Variants in PID1 observed in about 807,000 individuals in gnomAD.
PID1 encodes the protein PTB-containing, cubilin and LRP1-interacting protein.
A neutral mutation model predicts 19.1 loss-of-function variants in PID1; 10 were observed. That is an observed-to-expected ratio of 0.52 (90% CI 0.32 to 0.89). The LOEUF (loss-of-function observed/expected upper bound fraction) is 0.89, where lower values mean the gene tolerates loss of function less well. PID1 is among the 40% of genes least tolerant of loss of function. The pLI, the probability that PID1 is intolerant of heterozygous loss-of-function variation, is 0.03. For missense variants in PID1, 248 were observed against 285.3 expected (o/e 0.87, Z 0.94); for synonymous variants, 130 against 116.0 (o/e 1.12, Z -0.78).
At chr2:229,108,047 T>C (rs145057976) in intron 2 of PID1, among the ~76,000 whole-genome samples, 2 of 152,266 alleles carry the variant, frequency 1.3e-5, no homozygotes, top group Non-Finnish European at 2.9e-5. Flanking sequence ...TCAGCTCTCT[T>C]GACCTTGACA....
intron 2 of PID1, among the ~76,000 whole-genome samples, chr2:229,041,848 A>G (rs72974813): frequency 0.053 from 8,123 of 152,274 alleles, 303 homozygotes; most frequent in Non-Finnish European, 0.08. Context: ...TCCAAAGTAT[A>G]AAGGTCAGAA....
chr2:229,220,000 C>A (rs917267423), intron 1 of PID1, among the ~76,000 whole-genome samples: 2 of 151,798 alleles, frequency 1.3e-5, no homozygotes, highest in Admixed American at 6.6e-5. Context: ...TCCATGACAC[C>A]ATTTGTCCTT....
intron 2 of PID1, among the ~76,000 whole-genome samples, chr2:229,123,905 T>C (rs1413505364): frequency 5.3e-5 from 8 of 152,228 alleles, no homozygotes; most frequent in Admixed American, 4.6e-4. Context: ...ATATTCTGGA[T>C]ACAAGTTCCT....
intron 2 of PID1, among the ~76,000 whole-genome samples, chr2:229,051,172 C>G (rs552593628): frequency 6.6e-6 from 1 of 152,172 alleles, no homozygotes; most frequent in East Asian, 1.9e-4. Context: ...CATTTTCCTA[C>G]TGCATGGAGG....
chr2:229,046,105 C>G (rs993647521), intron 2 of PID1, among the ~76,000 whole-genome samples: 1 of 152,060 alleles, frequency 6.6e-6, no homozygotes, highest in Non-Finnish European at 1.5e-5. Flanking sequence ...ATTCCATCAA[C>G]GAACCCCCCG....
At chr2:229,054,711 T>G (rs1694059927) in intron 2 of PID1, among the ~76,000 whole-genome samples, 1 of 19,174 alleles carries the variant, frequency 5.2e-5, no homozygotes, top group African/African-American at 1.8e-4. Flanking sequence ...GCAGTGTGTG[T>G]GTGTGTGTGG....
At chr2:229,166,923 A>G (rs1690608623) in intron 1 of PID1, among the ~76,000 whole-genome samples, 1 of 151,776 alleles carries the variant, frequency 6.6e-6, no homozygotes, top group Non-Finnish European at 1.5e-5. Context: ...ATAACCCTAG[A>G]CTAAAAAAAA....
chr2:229,237,043 G>A (rs1239309370), intron 1 of PID1, among the ~76,000 whole-genome samples: 1 of 150,734 alleles, frequency 6.6e-6, no homozygotes, highest in Non-Finnish European at 1.5e-5. Flanking sequence ...TAATATAGAT[G>A]AGGATCTAAG....
At chr2:229,052,722 A>T (rs1344505027) in intron 2 of PID1, among the ~76,000 whole-genome samples, 1 of 152,154 alleles carries the variant, frequency 6.6e-6, no homozygotes, top group Non-Finnish European at 1.5e-5. Flanking sequence ...AGGAAAAAAA[A>T]AATGGCCTGA....
intron 2 of PID1, among the ~76,000 whole-genome samples, chr2:229,145,831 G>T (rs1053522976): frequency 2.0e-5 from 3 of 151,884 alleles, no homozygotes; most frequent in Admixed American, 1.3e-4. Flanking sequence ...AAAACCACAG[G>T]TTTTGTGTAA....
intron 2 of PID1, among the ~76,000 whole-genome samples, chr2:229,039,947 T>C (rs1693735252): frequency 6.6e-6 from 1 of 152,146 alleles, no homozygotes; most frequent in African/African-American, 2.4e-5. Flanking sequence ...GTTTATCCAA[T>C]GTTGCATTAT....
chr2:229,233,085 C>T (rs1379321443), intron 1 of PID1, among the ~76,000 whole-genome samples: 1 of 151,880 alleles, frequency 6.6e-6, no homozygotes, highest in Non-Finnish European at 1.5e-5. Flanking sequence ...TAGCAGAAAG[C>T]GCAAGAGGAG....
At chr2:229,097,146 C>T (rs1694987373) in intron 2 of PID1, among the ~76,000 whole-genome samples, 1 of 152,200 alleles carries the variant, frequency 6.6e-6, no homozygotes, top group Non-Finnish European at 1.5e-5. Flanking sequence ...TGAAGTTCTA[C>T]TGACCTCATG....
At chr2:229,176,512 T>C (rs1690827414) in intron 1 of PID1, among the ~76,000 whole-genome samples, 1 of 152,276 alleles carries the variant, frequency 6.6e-6, no homozygotes, top group Non-Finnish European at 1.5e-5. Flanking sequence ...ATGCTGATGA[T>C]ACTTAAAAAT....
At chr2:229,098,749 C>A (rs534972767) in intron 2 of PID1, among the ~76,000 whole-genome samples, 3 of 152,290 alleles carry the variant, frequency 2.0e-5, no homozygotes, top group Admixed American at 2.0e-4. Context: ...TCCATTCTTT[C>A]TGAGACAGCA....
intron 2 of PID1, among the ~76,000 whole-genome samples, chr2:229,075,746 T>A (rs1200631343): frequency 6.6e-6 from 1 of 152,226 alleles, no homozygotes; most frequent in Non-Finnish European, 1.5e-5. Flanking sequence ...TCCCCAACTC[T>A]CACTAAAGAT....
intron 2 of PID1, among the ~76,000 whole-genome samples, chr2:229,047,903 G>A (rs1429517884): frequency 5.3e-5 from 8 of 152,172 alleles, no homozygotes; most frequent in Non-Finnish European, 1.5e-5. Context: ...CTACATCTTG[G>A]TGTAAGATCT....
At chr2:229,231,998 G>A (rs1427297637) in intron 1 of PID1, 2 of 1,550,462 alleles carry the variant, frequency 1.3e-6, no homozygotes, top group Admixed American at 2.0e-5. Flanking sequence ...TGCAGCACTT[G>A]GAAGGAAGGA....
chr2:229,159,134 T>C (rs1280553876), intron 1 of PID1, among the ~76,000 whole-genome samples: 1 of 152,204 alleles, frequency 6.6e-6, no homozygotes, highest in Non-Finnish European at 1.5e-5. Context: ...AAGGGATGGA[T>C]ACCCCATTCT....
Sources: gnomAD v4.1 joint callset for allele counts (sites outside exome capture counted in the v4.1 genomes callset) on GRCh38, gnomAD v4.1.1 for gene constraint, MANE v1.5 for transcripts, NCBI Gene and HGNC (gene_info 2026-07-23, HGNC 2026-07-21) for gene names.